USH2A: variants seen among roughly 807,000 people sequenced by gnomAD.
The protein encoded by USH2A is Usher syndrome 2A (autosomal recessive, mild).
In USH2A, 443 loss-of-function variants were observed where a neutral mutation model predicts 538.9. The ratio of observed to expected loss-of-function variants is 0.82; its 90% confidence interval spans 0.76 to 0.89. The LOEUF (loss-of-function observed/expected upper bound fraction) is 0.89. Ranked by LOEUF, USH2A falls within the 40% of genes least tolerant of loss-of-function variation. The pLI is 0.00. For missense variants in USH2A, 6,633 were observed against 6,324.8 expected, an observed-to-expected ratio of 1.05 and a Z score of -1.65; for synonymous variants, 2,413 against 2,273.5, an observed-to-expected ratio of 1.06 and a Z score of -1.75.
At chr1:216,188,650 T>C (rs2034655430) in intron 20 of USH2A, among the ~76,000 whole-genome samples, 1 of 151,932 alleles carries the variant, frequency 6.6e-6, no homozygotes, top group African/African-American at 2.4e-5. Context: ...TATCTAAAGA[T>C]GGTATAGCTT....
chr1:216,309,558 G>GT (rs1349646193), intron 9 of USH2A, among the ~76,000 whole-genome samples: 2 of 152,040 alleles, frequency 1.3e-5, no homozygotes, highest in African/African-American at 4.8e-5. Context: ...TGAGGTTGTT[G>GT]TTTTTATTCC....
chr1:216,261,774 C>G (rs184476673), intron 11 of USH2A, among the ~76,000 whole-genome samples: 1 of 152,054 alleles, frequency 6.6e-6, no homozygotes, highest in Non-Finnish European at 1.5e-5. Context: ...CTCATGCCCC[C>G]GGCCTGAGAA....
chr1:215,735,769 C>T (rs1312007363), intron 60 of USH2A, among the ~76,000 whole-genome samples: 1 of 152,092 alleles, frequency 6.6e-6, no homozygotes, highest in Non-Finnish European at 1.5e-5. Context: ...TACTGTTATG[C>T]AAGCTGCTAC....
chr1:216,183,371 A>G (rs575715770), intron 20 of USH2A, among the ~76,000 whole-genome samples: 54 of 152,200 alleles, frequency 3.5e-4, no homozygotes, highest in Middle Eastern at 3.4e-3. Flanking sequence ...TTAAAGAAAA[A>G]AAAAAGCATT....
At chr1:215,930,070 ACT>A (rs1049424929) in intron 38 of USH2A, among the ~76,000 whole-genome samples, 1 of 152,006 alleles carries the variant, frequency 6.6e-6, no homozygotes, top group African/African-American at 2.4e-5. Flanking sequence ...AGTATTTTAC[ACT>A]GTTTGTAGAT....
chr1:216,357,983 T>A (rs766138982), intron 4 of USH2A, among the ~76,000 whole-genome samples: 2 of 152,162 alleles, frequency 1.3e-5, no homozygotes, highest in Admixed American at 6.6e-5. Flanking sequence ...GGTGTTTCTA[T>A]TTGTATACAT....
intron 61 of USH2A, among the ~76,000 whole-genome samples, chr1:215,702,978 C>T (rs370319463): frequency 3.3e-5 from 5 of 152,132 alleles, no homozygotes; most frequent in African/African-American, 1.2e-4. Flanking sequence ...TATTGGTGAC[C>T]TTCGGATGGG....
intron 49 of USH2A, among the ~76,000 whole-genome samples, chr1:215,800,089 T>C (rs1168920652): frequency 9.9e-5 from 15 of 152,146 alleles, no homozygotes; most frequent in Admixed American, 9.8e-4. Context: ...AGTTAGCTTG[T>C]TTGTTTGTTT....
chr1:216,283,696 C>T (rs2036828421), intron 11 of USH2A, among the ~76,000 whole-genome samples: 1 of 152,134 alleles, frequency 6.6e-6, no homozygotes, highest in Non-Finnish European at 1.5e-5. Flanking sequence ...AATTACTAAA[C>T]ATGTATGTAA....
chr1:216,261,857 C>T (rs1403441606), intron 11 of USH2A, among the ~76,000 whole-genome samples: 1 of 152,116 alleles, frequency 6.6e-6, no homozygotes, highest in Non-Finnish European at 1.5e-5. Flanking sequence ...AACATGCCTC[C>T]ATCCTGATAA....
At chr1:215,988,213 C>T (rs1441419014) in intron 35 of USH2A, among the ~76,000 whole-genome samples, 1 of 151,998 alleles carries the variant, frequency 6.6e-6, no homozygotes, top group East Asian at 1.9e-4. Flanking sequence ...ACCTTGGTAA[C>T]CGTAATTCTA....
intron 32 of USH2A, among the ~76,000 whole-genome samples, chr1:216,016,865 G>A (rs1668724318): frequency 6.8e-6 from 1 of 147,344 alleles, no homozygotes. Flanking sequence ...GTGTGTGTGT[G>A]TAGTGGGGGC....
At chr1:216,080,469 T>G (rs1049683955) in intron 26 of USH2A, among the ~76,000 whole-genome samples, 17 of 152,100 alleles carry the variant, frequency 1.1e-4, no homozygotes, top group African/African-American at 4.1e-4. Context: ...AGAAAAGTGA[T>G]TTTGTAGAAA....
intron 64 of USH2A, among the ~76,000 whole-genome samples, chr1:215,669,777 T>C (rs1431380176): frequency 6.6e-6 from 1 of 152,236 alleles, no homozygotes; most frequent in Non-Finnish European, 1.5e-5. Context: ...TTAAATCTTA[T>C]TAATTCGGTA....
At position 216,073,234 on chromosome 1, in the gene USH2A, G is replaced by C; in HGVS notation, c.5639C>G (p.Ser1880Cys). 6.2e-7 allele frequency: 1 copy of C among 1,613,814 alleles called. No individual in the cohort carries two copies. The highest frequency in any genetic ancestry group is 8.5e-7 in the Non-Finnish European group (1 of 1,179,930). The change falls in exon 28 of 72, where the codon TCC (serine) becomes TGC (cysteine). Residue 1880 changes from serine (S) to cysteine (C), a missense_variant. Transcript: ENST00000307340. ...CAGATTGACTCTGACAGCACCGCTGGACACAGATGCCAAGTTAACGACAGC... is the reference window on the plus strand; with the variant it reads ...CAGATTGACTCTGACAGCACCGCTGCACACAGATGCCAAGTTAACGACAGC... ...RGAVVNLASV[S>C]SGAVRVNLDG...
chr1:215,760,773 T>C (rs955577811), intron 56 of USH2A, among the ~76,000 whole-genome samples: 2 of 152,152 alleles, frequency 1.3e-5, no homozygotes, highest in Non-Finnish European at 2.9e-5. Flanking sequence ...AATGTATACT[T>C]TCCTGTATCT....
chr1:216,277,785 G>A lies in USH2A; in HGVS notation c.1971+11495C>T, dbSNP rs375995127. 2.7e-4 allele frequency among the ~76,000 whole-genome samples: 41 copies of A among 152,064 alleles called. 3 individuals carry two copies. The highest frequency in any genetic ancestry group is 9.9e-4 in the African/African-American group (41 of 41,464). ...GCAGAAGCGACACACACCTCTTTTG[G>A]ACCAAAGCATTTTAAAAGTGGAAGT... is the stretch of plus-strand genomic sequence containing the variant. On this transcript the variant is annotated intron_variant, in intron 11 of 71. Transcript: ENST00000307340.
intron 41 of USH2A, among the ~76,000 whole-genome samples, chr1:215,881,018 G>A (rs1057391448): frequency 1.3e-5 from 2 of 152,162 alleles, no homozygotes; most frequent in East Asian, 1.9e-4. Flanking sequence ...AGGCAGGAGA[G>A]TTGCTTGAAC....
chr1:215,904,520 G>A (rs1411966759), intron 38 of USH2A, among the ~76,000 whole-genome samples: 1 of 151,950 alleles, frequency 6.6e-6, no homozygotes. Context: ...TTTTATCCTA[G>A]ATTTAATCCT....
Sources: gnomAD v4.1 joint callset for allele counts (sites outside exome capture counted in the v4.1 genomes callset) on GRCh38, gnomAD v4.1.1 for gene constraint, MANE v1.5 for transcripts, NCBI Gene and HGNC (gene_info 2026-07-23, HGNC 2026-07-21) for gene names.